Variants in RELL1 observed in about 807,000 individuals in gnomAD.
RELL1 encodes the protein RELT like 1, also known as RELT-like protein 1.
RELL1 carries 10 observed loss-of-function variants against 23.0 expected under a neutral mutation model. The ratio of observed to expected loss-of-function variants is 0.43; its 90% CI spans 0.27 to 0.74. The LOEUF is 0.74. Ranked by LOEUF, RELL1 falls within the 30% of genes least tolerant of loss-of-function variation. RELL1 has a pLI of 0.19. For synonymous variants in RELL1, 146 were observed against 146.8 expected (o/e 0.99, Z 0.04); for missense variants, 315 against 364.4 (o/e 0.86, Z 1.10).
chr4:37,602,498 GCA>G (rs1719042659), intron 6 of RELL1, among the ~76,000 whole-genome samples: 1 of 151,968 alleles, frequency 6.6e-6, no homozygotes, highest in African/African-American at 2.4e-5. Context: ...CAGTTCCACA[GCA>G]AGCAACTGGC....
rs7672609 is a variant in RELL1 at position 37,664,172 on chromosome 4, T to C, written c.89-14672A>G. Among the ~76,000 whole-genome samples, 429 of 152,114 alleles carry C rather than the reference T, an allele frequency of 2.8e-3. 2 individuals carry two copies. The highest frequency in any genetic ancestry group is 9.6e-3 in the African/African-American group (399 of 41,474). On this transcript the variant is annotated intron_variant, in intron 1 of 6. Transcript: ENST00000454158. ...GCAGGTGGATCACAAGGTCAAGAGA[T>C]CAAGACCATCCTGGCCAACATGGTG...
At chr4:37,668,415 G>T (rs948462730) in intron 1 of RELL1, among the ~76,000 whole-genome samples, 2 of 152,140 alleles carry the variant, frequency 1.3e-5, no homozygotes, top group African/African-American at 2.4e-5. Context: ...ACGGGGTTTC[G>T]CTGTGTTGGC....
chr4:37,636,528 G>T (rs1720338041), intron 4 of RELL1, among the ~76,000 whole-genome samples: 1 of 151,164 alleles, frequency 6.6e-6, no homozygotes, highest in Non-Finnish European at 1.5e-5. Flanking sequence ...CCGGAAGGCG[G>T]AGCTTGCAGT....
At chr4:37,590,414 G>A, downstream of RELL1, 1 of 1,613,420 alleles carries the variant, frequency 6.2e-7, no homozygotes, top group Non-Finnish European at 8.5e-7. Flanking sequence ...CAGGATGACA[G>A]GGGCTCCTGG....
intron 1 of RELL1, among the ~76,000 whole-genome samples, chr4:37,662,870 T>C (rs1721404032): frequency 6.6e-6 from 1 of 152,040 alleles, no homozygotes; most frequent in South Asian, 2.1e-4. Flanking sequence ...CCTCAACTTC[T>C]GGACTCTTCC....
chr4:37,677,268 T>C (rs1467055), intron 1 of RELL1, among the ~76,000 whole-genome samples: 150,547 of 152,364 alleles, frequency 0.99, 74,398 homozygotes, highest in East Asian at 1. Flanking sequence ...CCATAGACAG[T>C]CTAACAGAAT....
At chr4:37,593,048 C>T (rs965383115) in intron 6 of RELL1, among the ~76,000 whole-genome samples, 3 of 152,160 alleles carry the variant, frequency 2.0e-5, no homozygotes, top group African/African-American at 4.8e-5. Context: ...GACAAGCCAT[C>T]GCAAGTGACC....
chr4:37,651,085 AATTAAAAAGT>A (rs1478344275), intron 1 of RELL1, among the ~76,000 whole-genome samples: 8 of 151,792 alleles, frequency 5.3e-5, no homozygotes, highest in Non-Finnish European at 4.4e-5. Flanking sequence ...AATTAAATTA[AATTAAAAAGT>A]ATTAAAAAGT....
chr4:37,606,050 A>C (rs954470720), downstream of RELL1, among the ~76,000 whole-genome samples: 2 of 149,868 alleles, frequency 1.3e-5, no homozygotes, highest in African/African-American at 4.9e-5. This position sits in a 1 kb window ranked among gnomAD's most constrained non-coding sequence, Gnocchi z 4.1. Flanking sequence ...AAGAAAAAGA[A>C]GAAAGGGAAG....
At chr4:37,672,488 G>A (rs553566974) in intron 1 of RELL1, among the ~76,000 whole-genome samples, 26 of 152,166 alleles carry the variant, frequency 1.7e-4, no homozygotes, top group Non-Finnish European at 3.2e-4. Context: ...ATATCAAGAT[G>A]CAGCACTGAA....
At position 37,612,339 on chromosome 4, in the gene RELL1, C is replaced by A. The variant is rs28711868; in HGVS notation, c.*1007G>T. 0.12 allele frequency among the ~76,000 whole-genome samples: 10,532 copies of A among 84,504 alleles called. 692 individuals carry two copies. The highest frequency in any genetic ancestry group is 0.52 in the East Asian group (1,580 of 3,026). 55.4% of individuals were successfully genotyped at this position (84,504 alleles called of 152,430 possible). Reference sequence around the variant, plus strand: ...CTAAAGGTTAAAAAAAAAAAAAAAACAAAAAAAAACAAAAAACCGGGTGCA... The same window carrying A: ...CTAAAGGTTAAAAAAAAAAAAAAAAAAAAAAAAAACAAAAAACCGGGTGCA... On this transcript the variant is annotated 3_prime_UTR_variant, in exon 7 of 7. Coordinates refer to ENST00000454158, the MANE Select transcript of RELL1 (RefSeq NM_001085400.2).
rs367549837 is a variant in RELL1 at position 37,602,679 on chromosome 4, A to AT, written c.*4-11463dup. Among the ~76,000 whole-genome samples, 977 of 152,240 alleles carry AT rather than the reference A, an allele frequency of 6.4e-3. 13 individuals carry two copies. The highest frequency in any genetic ancestry group is 0.022 in the African/African-American group (926 of 41,536). On this transcript the variant is annotated intron_variant, in intron 6 of 6. Transcript: ENST00000314117. ...ATGAGAAGACAGAGGATTTGCAGGC[A>AT]TTTTTCTGATCCTTAAAACTCCTGT...
intron 6 of RELL1, among the ~76,000 whole-genome samples, chr4:37,630,555 C>T (rs1210918275): frequency 6.6e-6 from 1 of 151,726 alleles, no homozygotes; most frequent in Non-Finnish European, 1.5e-5. Context: ...TTAGTAGAGA[C>T]AGGGTTTCAC....
chr4:37,686,362 G>A lies in RELL1; in HGVS notation c.-75C>T. On this transcript the variant is annotated 5_prime_UTR_variant, in exon 1 of 7. Transcript: ENST00000454158. ...GGAAGGCAGAGCCGCTCCGGAGCCGGCGGGCTGATCGAGTGGCTGGGCTGG... is the reference window on the plus strand; with the variant it reads ...GGAAGGCAGAGCCGCTCCGGAGCCGACGGGCTGATCGAGTGGCTGGGCTGG... 1 of 1,222,706 alleles carries A rather than the reference G, an allele frequency of 8.2e-7. No individual in the cohort carries two copies. Among genetic ancestry groups the A allele is most frequent in the Non-Finnish European group, 1.1e-6 (1 of 924,654 alleles). The allele number at this position is 1,222,706 out of a possible 1,614,324, so 75.7% of individuals were successfully genotyped here. A position where few individuals can be genotyped will look rare whatever the true frequency, so the allele number is the denominator to read the frequency against.
rs113366388 is a variant in RELL1, at chr4:37,614,057, C to T, written c.*4-715G>A. The stretch of plus-strand genomic sequence containing the variant: ...GGTTAAGGAACGAAACGTTCTCCCA[C>T]CTGCCAAAATCATGTGTACCCTATA... On this transcript the variant is annotated intron_variant, in intron 6 of 6. Transcript: ENST00000454158. Among the ~76,000 whole-genome samples, 901 of 152,304 alleles carry T rather than the reference C, an allele frequency of 5.9e-3. 5 individuals carry two copies. The highest frequency in any genetic ancestry group is 0.021 in the African/African-American group (862 of 41,556).
Position 37,647,354 on chromosome 4 carries a change from TA to T in RELL1, c.385+13del. 1 of 1,597,986 alleles carries T rather than the reference TA, an allele frequency of 6.3e-7. No individual in the cohort carries two copies. The highest frequency in any genetic ancestry group is 8.6e-7 in the Non-Finnish European group (1 of 1,165,548). ...GGAATACTGAATTGTTTTGGAACAC[TA>T]AAATGTTCACACCTTCATTTTTCAT... On this transcript the variant is annotated intron_variant, in intron 3 of 6. Transcript: ENST00000454158.
At chr4:37,590,500 C>T (rs200921992), downstream of RELL1, 766 of 1,613,832 alleles carry the variant, frequency 4.7e-4, 1 homozygote, top group Non-Finnish European at 6.2e-4. Context: ...GGACTGTGTG[C>T]TGCTGGCCTC....
At position 37,686,214 on chromosome 4, in the gene RELL1, G is replaced by A; in HGVS notation, c.74C>T (p.Pro25Leu). 1 of 1,580,688 alleles carries A rather than the reference G, an allele frequency of 6.3e-7. No homozygotes were observed. Among genetic ancestry groups the A allele is most frequent in the Non-Finnish European group, 8.5e-7 (1 of 1,171,624 alleles). ...CGGACACTCACCCGGAGCCACCAGC[G>A]GCGAACTCACGGCGCCTCCCACGAA... ...AVFVGGAVSS[P>L]LVAPDNGSSR... Residue 25 changes from proline to leucine, a missense_variant, in exon 1 of 7, where the codon CCG becomes CTG. Pro to Leu is a moderately conservative substitution (Grantham distance 98). Coordinates refer to ENST00000454158, the MANE Select transcript of RELL1 (RefSeq NM_001085400.2).
intron 6 of RELL1, among the ~76,000 whole-genome samples, chr4:37,618,867 T>TTTTTCTTTTCTTTCC (rs1719667214): frequency 6.6e-6 from 1 of 150,658 alleles, no homozygotes; most frequent in Admixed American, 6.6e-5. Context: ...TGGTTGGTCG[T>TTTTTCTTTTCTTTCC]TTTTCTTTTC....
Sources: gnomAD v4.1 joint callset for allele counts (sites outside exome capture counted in the v4.1 genomes callset) on GRCh38, gnomAD v4.1.1 for gene constraint, Gnocchi (gnomAD v3.1) non-coding constraint, MANE v1.5 for transcripts, NCBI Gene and HGNC (gene_info 2026-07-23, HGNC 2026-07-21) for gene names.